PHKB: variants seen among roughly 807,000 people sequenced by gnomAD.
PHKB encodes the protein phosphorylase b kinase regulatory subunit beta.
Under a neutral mutation model 152.1 loss-of-function variants are expected in PHKB, and 122 were observed. The observed-to-expected ratio is 0.80, with a 90% CI of 0.69 to 0.93. The LOEUF is 0.93. Among genes scored for constraint, PHKB ranks in the 40% least tolerant of loss-of-function variants. PHKB has a pLI of 0.00. For missense variants in PHKB, 1,304 were observed against 1,328.4 expected (o/e 0.98, Z 0.29); for synonymous variants, 436 against 464.9 (o/e 0.94, Z 0.80).
intron 20 of PHKB, among the ~76,000 whole-genome samples, chr16:47,658,283 A>G (rs923608660): frequency 1.3e-5 from 2 of 152,050 alleles, no homozygotes; most frequent in East Asian, 1.9e-4. Context: ...ATCATTGACT[A>G]TAGTCCTTTC....
intron 25 of PHKB, among the ~76,000 whole-genome samples, chr16:47,666,248 C>T (rs569675129): frequency 6.6e-6 from 1 of 152,254 alleles, no homozygotes; most frequent in Non-Finnish European, 1.5e-5. Context: ...CACCTTAAAG[C>T]TATAATCTTC....
chr16:47,536,791 G>A (rs1487122217), intron 6 of PHKB, among the ~76,000 whole-genome samples: 1 of 152,148 alleles, frequency 6.6e-6, no homozygotes, highest in Non-Finnish European at 1.5e-5. Context: ...GTAGACCTGT[G>A]TACTAGTTAG....
intron 7 of PHKB, among the ~76,000 whole-genome samples, chr16:47,558,848 C>G (rs1189202887): frequency 6.6e-6 from 1 of 152,222 alleles, no homozygotes. Flanking sequence ...CTGTGCCCAG[C>G]CTTGTTTCTT....
At chr16:47,682,067 T>C (rs2142094253) in intron 26 of PHKB, among the ~76,000 whole-genome samples, 1 of 152,330 alleles carries the variant, frequency 6.6e-6, no homozygotes, top group South Asian at 2.1e-4. Flanking sequence ...GAAAATTCTT[T>C]CCTTTAAGAA....
At chr16:47,550,882 C>T (rs1045047548) in intron 7 of PHKB, among the ~76,000 whole-genome samples, 3 of 152,124 alleles carry the variant, frequency 2.0e-5, no homozygotes, top group Non-Finnish European at 4.4e-5. Flanking sequence ...TAATTACTGC[C>T]TCAATTTCAG....
chr16:47,548,238 T>G (rs1971208191), intron 7 of PHKB: 1 of 152,324 alleles, frequency 6.6e-6, no homozygotes, highest in African/African-American at 2.4e-5. Flanking sequence ...CTATCCATGT[T>G]GCACTAAAAG....
intron 1 of PHKB, among the ~76,000 whole-genome samples, chr16:47,480,278 A>G (rs1022964576): frequency 6.6e-6 from 1 of 152,170 alleles, no homozygotes; most frequent in Admixed American, 6.5e-5. Context: ...TTATTTTTCC[A>G]CATGTGTATC....
chr16:47,690,864 G>A (rs1369637406), intron 27 of PHKB, among the ~76,000 whole-genome samples: 1 of 152,112 alleles, frequency 6.6e-6, no homozygotes, highest in African/African-American at 2.4e-5. Context: ...AAAAGATTAA[G>A]GTGAACATCG....
intron 14 of PHKB, among the ~76,000 whole-genome samples, chr16:47,634,073 G>A (rs1972874247): frequency 1.3e-5 from 2 of 151,956 alleles, no homozygotes; most frequent in Non-Finnish European, 2.9e-5. Context: ...AATTTTTTTT[G>A]GACACTTACT....
At chr16:47,660,255 C>A (rs956707734) in intron 20 of PHKB, among the ~76,000 whole-genome samples, 1 of 152,104 alleles carries the variant, frequency 6.6e-6, no homozygotes, top group Non-Finnish European at 1.5e-5. Context: ...ACAGAGAGTC[C>A]ATCTCATGTT....
intron 26 of PHKB, among the ~76,000 whole-genome samples, chr16:47,670,721 C>T (rs537026223): frequency 4.6e-4 from 70 of 152,216 alleles, no homozygotes; most frequent in Non-Finnish European, 7.1e-4. Context: ...AACTCTTTAC[C>T]TTTAGTGATC....
rs118012992 is a variant in PHKB, at chr16:47,514,642, A to G, written c.514-879A>G. Among the ~76,000 whole-genome samples, 426 of 152,300 alleles carry G rather than the reference A, an allele frequency of 2.8e-3. 14 individuals carry two copies. In the East Asian group the frequency reaches 0.044, roughly 16 times the overall value. Reference sequence around the variant, plus strand: ...GCCAGCTTCCTCCAGAAACATCCTCACAGATGTACCCAGAAATAATGCTTT... The same window carrying G: ...GCCAGCTTCCTCCAGAAACATCCTCGCAGATGTACCCAGAAATAATGCTTT... On this transcript the variant is annotated intron_variant, in intron 5 of 30. Transcript: ENST00000323584.
At chr16:47,647,478 A>G (rs1973151950) in intron 16 of PHKB, among the ~76,000 whole-genome samples, 2 of 151,764 alleles carry the variant, frequency 1.3e-5, no homozygotes, top group African/African-American at 4.8e-5. Flanking sequence ...ATGTACAGAA[A>G]ATGCATAGAC....
chr16:47,538,835 C>A (rs1332503115), intron 6 of PHKB, among the ~76,000 whole-genome samples: 1 of 152,186 alleles, frequency 6.6e-6, no homozygotes, highest in Non-Finnish European at 1.5e-5. Flanking sequence ...CTGAAAGTTT[C>A]TGGTCTACTG....
intron 20 of PHKB, among the ~76,000 whole-genome samples, chr16:47,656,238 C>T (rs1024186658): frequency 7.2e-5 from 11 of 152,064 alleles, no homozygotes; most frequent in Non-Finnish European, 1.5e-4. Context: ...AGCATGGTCT[C>T]GATCTCCTGA....
chr16:47,646,830 C>T (rs1181141167), intron 16 of PHKB, among the ~76,000 whole-genome samples: 1 of 151,808 alleles, frequency 6.6e-6, no homozygotes, highest in African/African-American at 2.4e-5. Flanking sequence ...AATTATCCTG[C>T]AGATATAATA....
chr16:47,463,184 C>T (rs1162198597), intron 1 of PHKB: 1 of 152,570 alleles, frequency 6.6e-6, no homozygotes, highest in Non-Finnish European at 1.5e-5. Context: ...CTTCGTCAGT[C>T]TTTGTTTCCT....
At chr16:47,670,572 T>G (rs1245346657) in intron 26 of PHKB, among the ~76,000 whole-genome samples, 1 of 151,642 alleles carries the variant, frequency 6.6e-6, no homozygotes, top group South Asian at 2.1e-4. Flanking sequence ...TCACTGCAAC[T>G]GCCGCCTCCC....
intron 1 of PHKB, among the ~76,000 whole-genome samples, chr16:47,474,198 A>T (rs1669362275): frequency 6.6e-6 from 1 of 151,858 alleles, no homozygotes; most frequent in Non-Finnish European, 1.5e-5. Flanking sequence ...TGTCATATAA[A>T]ATCTTTTAAA....
Sources: allele counts gnomAD v4.1 joint callset (sites outside exome capture counted in the v4.1 genomes callset), GRCh38; gene constraint gnomAD v4.1.1; transcripts MANE v1.5; gene names NCBI Gene and HGNC (gene_info 2026-07-23, HGNC 2026-07-21).